Variants in PRKCE observed in about 807,000 individuals in gnomAD.
PRKCE encodes the protein protein kinase C epsilon.
PRKCE carries 16 observed loss-of-function variants against 85.4 expected under a neutral mutation model. The observed-to-expected ratio is 0.19, with a 90% CI of 0.13 to 0.28. The LOEUF is 0.28. Ranked by LOEUF, PRKCE falls within the 10% of genes least tolerant of loss-of-function variation. The pLI, the probability that PRKCE is intolerant of heterozygous loss-of-function variation, is 1.00. For missense variants in PRKCE, 573 were observed against 975.2 expected (o/e 0.59, Z 5.49); for synonymous variants, 388 against 371.5 (o/e 1.04, Z -0.51).
intron 1 of PRKCE, among the ~76,000 whole-genome samples, chr2:45,788,650 T>C (rs567342531): frequency 6.6e-6 from 1 of 152,314 alleles, no homozygotes; most frequent in African/African-American, 2.4e-5. Context: ...GTGCATGAAA[T>C]GAAACAAGCT....
chr2:45,761,534 G>A (rs965783188), intron 1 of PRKCE, among the ~76,000 whole-genome samples: 1 of 152,046 alleles, frequency 6.6e-6, no homozygotes, highest in African/African-American at 2.4e-5. Flanking sequence ...AAAGAACGGG[G>A]CTTGTGGAGA....
chr2:46,115,092 G>C (rs1672642462), intron 11 of PRKCE, among the ~76,000 whole-genome samples: 1 of 152,274 alleles, frequency 6.6e-6, no homozygotes, highest in Non-Finnish European at 1.5e-5. Flanking sequence ...TCCATCTGAT[G>C]TTCCTGCTTG....
At chr2:45,843,788 G>A (rs1475768925) in intron 2 of PRKCE, among the ~76,000 whole-genome samples, 2 of 152,166 alleles carry the variant, frequency 1.3e-5, no homozygotes, top group African/African-American at 2.4e-5. Flanking sequence ...TTTGGAATTC[G>A]GACTGAAATG....
At chr2:45,728,095 C>G (rs1398172680) in intron 1 of PRKCE, among the ~76,000 whole-genome samples, 1 of 152,168 alleles carries the variant, frequency 6.6e-6, no homozygotes, top group Non-Finnish European at 1.5e-5. Context: ...TCTTTTCAAG[C>G]CTGCTCCTTC....
In PRKCE at chr2:46,159,424, G is replaced by T. The variant is rs1238385707; in HGVS notation, c.1921-182G>T. ...TGTACCATGTCTAGAATGGTGTCTG[G>T]GACATAGTCAATTCTATGTAAGAGT... On this transcript the variant is annotated intron_variant, in intron 13 of 14. Transcript: ENST00000306156. The surrounding 1 kb of genome is among the most constrained non-coding windows in gnomAD (Gnocchi z 4.1). Among the ~76,000 whole-genome samples the T allele has an allele frequency of 6.6e-6, 1 of 152,188 alleles. No individual in the cohort carries two copies. The highest frequency in any genetic ancestry group is 1.9e-4 in the East Asian group (1 of 5,192).
Position 45,822,522 on chromosome 2 carries a change from C to T in PRKCE, c.349-20478C>T, listed in dbSNP as rs1427513336. On this transcript the variant is annotated intron_variant, in intron 1 of 14. Coordinates refer to ENST00000306156, the MANE Select transcript of PRKCE (RefSeq NM_005400.3). Reference sequence around the variant, plus strand: ...ATGTGGACACAAGGGTAACTGCCAGCCATCCCCAAGTCTGCACAGTCACTC... The same window carrying T: ...ATGTGGACACAAGGGTAACTGCCAGTCATCCCCAAGTCTGCACAGTCACTC... Among the ~76,000 whole-genome samples the T allele has an allele frequency of 2.0e-5, 3 of 152,228 alleles. No individual in the cohort carries two copies. In the South Asian group the frequency reaches 6.2e-4, roughly 32 times the overall value.
chr2:45,846,989 A>G (rs1312782810), intron 2 of PRKCE, among the ~76,000 whole-genome samples: 2 of 152,238 alleles, frequency 1.3e-5, no homozygotes, highest in African/African-American at 4.8e-5. Context: ...GTTCAAGGAC[A>G]GGTTTCTGAC....
At position 46,077,576 on chromosome 2, in the gene PRKCE, G is replaced by A. The variant is rs138580561; in HGVS notation, c.1438-8632G>A. Among the ~76,000 whole-genome samples the A allele has an allele frequency of 1.0e-3, 153 of 152,312 alleles. 1 individual carries two copies. Among genetic ancestry groups the A allele is most frequent in the African/African-American group, 3.5e-3 (145 of 41,588 alleles). On this transcript the variant is annotated intron_variant, in intron 10 of 14. Transcript: ENST00000306156. ...ACCACAAGAAGGTTATTACATACTT[G>A]TGTATGGCTTTGAACAATGGGAGTT...
At position 46,123,214 on chromosome 2, in the gene PRKCE, C is replaced by CTTTTTTTTTTTTTTTTTTT. The variant is rs70937991; in HGVS notation, c.1593-21868_1593-21850dup. 3.4e-3 allele frequency among the ~76,000 whole-genome samples: 94 copies of CTTTTTTTTTTTTTTTTTTT among 27,368 alleles called. 18 individuals are homozygous for CTTTTTTTTTTTTTTTTTTT. The highest frequency in any genetic ancestry group is 5.6e-3 in the South Asian group (2 of 360). 18.0% of individuals were successfully genotyped at this position (27,368 alleles called of 152,430 possible). A position where few individuals can be genotyped will look rare whatever the true frequency, so the allele number is the denominator to read the frequency against. On this transcript the variant is annotated intron_variant, in intron 11 of 14. Transcript: ENST00000306156. ...AAGCTTTACAAAGGAAAACACTTGC[C>CTTTTTTTTTTTTTTTTTTT]TTTTTTTTTTTTTTTTTTTTTTTTT...
intron 13 of PRKCE, among the ~76,000 whole-genome samples, chr2:46,157,701 A>T (rs185860527): frequency 9.2e-5 from 14 of 152,340 alleles, no homozygotes; most frequent in Admixed American, 2.6e-4. Flanking sequence ...GCAGCTTCTT[A>T]AGATGCCCAA....
intron 4 of PRKCE, among the ~76,000 whole-genome samples, chr2:45,979,757 G>T (rs1702735662): frequency 6.6e-6 from 1 of 152,116 alleles, no homozygotes; most frequent in African/African-American, 2.4e-5. Flanking sequence ...TGCCCACATT[G>T]CTCCATGACA....
At chr2:45,985,235 T>G (rs61756866) in intron 6 of PRKCE, among the ~76,000 whole-genome samples, 3,026 of 152,266 alleles carry the variant, frequency 0.02, 94 homozygotes, top group African/African-American at 0.07. Flanking sequence ...ACACAATTTA[T>G]TAGCAGAAGT....
intron 14 of PRKCE, among the ~76,000 whole-genome samples, chr2:46,183,817 C>T (rs1043789919): frequency 2.0e-5 from 3 of 152,334 alleles, no homozygotes; most frequent in Middle Eastern, 3.4e-3. Flanking sequence ...CTAACTAAAG[C>T]GATGTGTTCT....
intron 2 of PRKCE, among the ~76,000 whole-genome samples, chr2:45,967,164 T>G (rs1396436697): frequency 6.6e-6 from 1 of 152,192 alleles, no homozygotes; most frequent in African/African-American, 2.4e-5. Context: ...CATTTCACGC[T>G]ACTATGTGTA....
At chr2:45,841,966 C>T (rs925250310) in intron 1 of PRKCE, among the ~76,000 whole-genome samples, 5 of 152,276 alleles carry the variant, frequency 3.3e-5, no homozygotes, top group Non-Finnish European at 5.9e-5. Flanking sequence ...GGGGAGAGAG[C>T]CTGGCACTAT....
chr2:45,674,959 T>C (rs1676360133), intron 1 of PRKCE: 1 of 152,252 alleles, frequency 6.6e-6, no homozygotes, highest in South Asian at 2.1e-4. Context: ...ATTTTCTGTG[T>C]TTGGATTATG....
At chr2:46,080,984 C>T (rs977020695) in intron 10 of PRKCE, among the ~76,000 whole-genome samples, 1 of 148,796 alleles carries the variant, frequency 6.7e-6, no homozygotes, top group Non-Finnish European at 1.5e-5. Flanking sequence ...CACACACACA[C>T]ACACACACAC....
chr2:46,129,211 C>T (rs533678913), intron 11 of PRKCE, among the ~76,000 whole-genome samples: 20 of 152,282 alleles, frequency 1.3e-4, no homozygotes, highest in African/African-American at 4.6e-4. Flanking sequence ...TCATCAGCAC[C>T]GTCAGTGAGC....
chr2:46,123,361 A>G (rs149917490), intron 11 of PRKCE, among the ~76,000 whole-genome samples: 1 of 152,020 alleles, frequency 6.6e-6, no homozygotes, highest in African/African-American at 2.4e-5. Context: ...TGAGGCTGAA[A>G]TGAGGATCAT....
Sources: allele counts gnomAD v4.1 joint callset (sites outside exome capture counted in the v4.1 genomes callset), GRCh38; gene constraint gnomAD v4.1.1; non-coding constraint Gnocchi (gnomAD v3.1); transcripts MANE v1.5; gene names NCBI Gene and HGNC (gene_info 2026-07-23, HGNC 2026-07-21).